The following PFKP variants were observed in gnomAD, a reference collection of about 807,000 sequenced individuals.
PFKP encodes phosphofructokinase, platelet.
In PFKP, 101 loss-of-function variants were observed where a neutral mutation model predicts 94.3. The ratio of observed to expected loss-of-function variants is 1.07; its 90% CI spans 0.91 to 1.26. The LOEUF (loss-of-function observed/expected upper bound fraction) is 1.26. Ranked by LOEUF, PFKP falls within the 50% of genes most tolerant of loss-of-function variation. PFKP has a pLI of 0.00. For synonymous variants in PFKP, 573 were observed against 432.6 expected (o/e 1.32, Z -4.03); for missense variants, 1,145 against 1,103.3 (o/e 1.04, Z -0.53).
chr10:3,121,818 T>C (rs1290509912), intron 16 of PFKP, among the ~76,000 whole-genome samples: 5 of 47,996 alleles, frequency 1.0e-4, no homozygotes, highest in East Asian at 6.1e-4. Context: ...TTTTTTTTTT[T>C]TTTTTTTTTT....
chr10:3,132,847 T>G (rs1192250764), intron 18 of PFKP, among the ~76,000 whole-genome samples: 2 of 152,074 alleles, frequency 1.3e-5, no homozygotes, highest in African/African-American at 2.4e-5. Flanking sequence ...ACTGAGTGAC[T>G]CGGGCAGGAG....
Position 3,132,411 on chromosome 10 carries a change from A to G in PFKP, c.1880A>G (p.Lys627Arg), listed in dbSNP as rs762490947. 1.2e-6 allele frequency: 2 copies of G among 1,612,848 alleles called. No individual in the cohort carries two copies. The highest frequency in any genetic ancestry group is 1.7e-6 in the Non-Finnish European group (2 of 1,178,876). Reference sequence around the variant, plus strand: ...GTGGAGCACCTGACGGAGAAAATGAAGACCACCATCCAGAGAGGCCTTGTG... The same window carrying G: ...GTGGAGCACCTGACGGAGAAAATGAGGACCACCATCCAGAGAGGCCTTGTG... ...SNVEHLTEKM[K>R]TTIQRGLVLR... is the part of the protein sequence containing the mutation. Residue 627 changes from lysine (K) to arginine (R), a missense_variant, in exon 18 of 22, where the codon AAG becomes AGG. Lys to Arg is a conservative substitution (Grantham distance 26). This residue lies in a region of PFKP where 1,119 missense variants were observed against 1,062.8 expected (regional missense o/e 1.05). Coordinates refer to ENST00000381125, the MANE Select transcript of PFKP (RefSeq NM_002627.5).
intron 2 of PFKP, among the ~76,000 whole-genome samples, chr10:3,089,139 G>T (rs191585204): frequency 6.3e-4 from 96 of 152,168 alleles, no homozygotes; most frequent in African/African-American, 2.3e-3. Flanking sequence ...CACCATGTTG[G>T]CCAGGCTGGT....
intron 10 of PFKP, among the ~76,000 whole-genome samples, chr10:3,110,659 GA>G (rs978391456): frequency 6.6e-6 from 1 of 152,136 alleles, no homozygotes; most frequent in African/African-American, 2.4e-5. Flanking sequence ...GCCCAAGGGA[GA>G]AAATAGTATT....
rs547829497 is a variant in PFKP at position 3,114,429 on chromosome 10, C to T, written c.1371+911C>T. Among the ~76,000 whole-genome samples the T allele has an allele frequency of 4.6e-5, 7 of 152,348 alleles. No individual in the cohort carries two copies. In the East Asian group the frequency reaches 1.3e-3, roughly 29 times the overall value. The stretch of plus-strand genomic sequence containing the variant: ...CCTCCCAAAGTGCTGGGATTACAGG[C>T]ATGACCCACCGTGCCCAGCCTCCTA... On this transcript the variant is annotated intron_variant, in intron 13 of 21. Transcript: ENST00000381125.
chr10:3,130,168 G>T (rs1838414581), intron 17 of PFKP, among the ~76,000 whole-genome samples, 185 bp downstream of exon 17: 1 of 152,238 alleles, frequency 6.6e-6, no homozygotes, highest in Non-Finnish European at 1.5e-5. Flanking sequence ...GTGACGGTGG[G>T]TGTGCCTGGT....
intron 4 of PFKP, 23 bp from the exon 5 acceptor site, chr10:3,103,756 C>G (rs372263993): frequency 6.2e-7 from 1 of 1,613,038 alleles, no homozygotes; most frequent in East Asian, 2.2e-5. Flanking sequence ...GGCGATGAGA[C>G]GTGCTGTTTG....
intron 3 of PFKP, 134 bp from the exon 4 acceptor site, chr10:3,101,231 A>G (rs1834965086): frequency 2.6e-6 from 2 of 783,048 alleles, no homozygotes; most frequent in Admixed American, 5.6e-5. Context: ...TTTCATAGCT[A>G]GTTACTAACT....
intron 16 of PFKP, among the ~76,000 whole-genome samples, chr10:3,123,873 G>A (rs576752931): frequency 2.6e-5 from 4 of 152,370 alleles, no homozygotes; most frequent in African/African-American, 9.6e-5. Context: ...CCAAGAGCTG[G>A]GCACGTGCTG....
chr10:3,118,143 C>G (rs1194774319), intron 14 of PFKP, among the ~76,000 whole-genome samples: 1 of 152,124 alleles, frequency 6.6e-6, no homozygotes, highest in Non-Finnish European at 1.5e-5. Flanking sequence ...GTGGATAATG[C>G]ATATGTAAGT....
chr10:3,086,663 CTG>C (rs1368941773), intron 2 of PFKP, among the ~76,000 whole-genome samples: 3 of 152,112 alleles, frequency 2.0e-5, no homozygotes, highest in Admixed American at 6.6e-5. Context: ...CAAGCGCACA[CTG>C]TGTTTGGTTT....
intron 2 of PFKP, among the ~76,000 whole-genome samples, chr10:3,096,020 A>T (rs1402369752): frequency 1.3e-5 from 2 of 152,194 alleles, no homozygotes; most frequent in African/African-American, 4.8e-5. Flanking sequence ...ACTTTCAGAG[A>T]ACATTTTACT....
At position 3,119,927 on chromosome 10, in the gene PFKP, G is replaced by A. The variant is rs142675697; in HGVS notation, c.1566G>A (p.Arg522=). Residue 522 remains arginine, a synonymous_variant, in exon 16 of 22, where the codon CGG becomes CGA. Transcript: ENST00000381125. ...GACTCCTGGAGCTGTCAGCCGCCCG[G>A]GAGAAGCACGAGGAGTTCTGTGTCC... is the stretch of plus-strand genomic sequence containing the variant. ...YLGLLELSAA[R]EKHEEFCVPM... The A allele has an allele frequency of 7.2e-5, 117 of 1,614,128 alleles. No individual in the cohort carries two copies. The highest frequency in any genetic ancestry group is 9.5e-5 in the Non-Finnish European group (112 of 1,180,020).
rs35306351 is a variant in PFKP, at chr10:3,077,249, C to CTTTTTTTTTTTT, written c.113-5128_113-5127insTTTTTTTTTTTT. Among the ~76,000 whole-genome samples, 34 of 108,210 alleles carry CTTTTTTTTTTTT rather than the reference C, an allele frequency of 3.1e-4. 1 individual carries two copies. The highest frequency in any genetic ancestry group is 5.1e-4 in the Non-Finnish European group (28 of 55,016). The allele number at this position is 108,210 out of a possible 152,430, so 71.0% of individuals were successfully genotyped here. On this transcript the variant is annotated intron_variant, in intron 1 of 21. Coordinates refer to ENST00000381125, the MANE Select transcript of PFKP (RefSeq NM_002627.5). ...TTCATTAGAGTTCATCTATTCTTTACTTTTTTTTTTTCTTTTTTTTTTTTT... is the reference window on the plus strand; with the variant it reads ...TTCATTAGAGTTCATCTATTCTTTACTTTTTTTTTTTTTTTTTTTTTTTCTTTTTTTTTTTTT...
intron 1 of PFKP, among the ~76,000 whole-genome samples, chr10:3,076,101 T>C (rs1330694508): frequency 6.7e-6 from 1 of 148,326 alleles, no homozygotes; most frequent in African/African-American, 2.5e-5. Flanking sequence ...TTGATAACAA[T>C]CAATTATTGT....
intron 6 of PFKP, 84 bp downstream of exon 6, chr10:3,105,243 T>C: frequency 7.1e-7 from 1 of 1,408,562 alleles, no homozygotes; most frequent in Non-Finnish European, 1.0e-6. Flanking sequence ...CCCCACATCC[T>C]GAATGCTCCC....
chr10:3,110,021 A>G (rs371627088), intron 10 of PFKP, among the ~76,000 whole-genome samples: 35 of 152,086 alleles, frequency 2.3e-4, no homozygotes, highest in African/African-American at 7.5e-4. Context: ...CCCCAAGGAC[A>G]TTCAGGTCTG....
At chr10:3,108,534 TA>T (rs564711488) in intron 8 of PFKP, among the ~76,000 whole-genome samples, 166 bp from the exon 9 acceptor site, 164 of 152,366 alleles carry the variant, frequency 1.1e-3, no homozygotes, top group Admixed American at 2.8e-3. Flanking sequence ...AGCTGCCTGT[TA>T]TATACACTAA....
chr10:3,088,549 C>T (rs867072781), intron 2 of PFKP, among the ~76,000 whole-genome samples: 1 of 152,118 alleles, frequency 6.6e-6, no homozygotes, highest in Non-Finnish European at 1.5e-5. Context: ...GGTGACGGCT[C>T]CCACCTCTCT....
Sources: allele counts gnomAD v4.1 joint callset (sites outside exome capture counted in the v4.1 genomes callset), GRCh38; gene constraint gnomAD v4.1.1; regional missense constraint gnomAD v4.1.1; transcripts MANE v1.5; gene names NCBI Gene and HGNC (gene_info 2026-07-23, HGNC 2026-07-21).